TRHDE: variants seen among roughly 807,000 people sequenced by gnomAD.
TRHDE encodes thyrotropin-releasing hormone-degrading ectoenzyme.
A neutral mutation model predicts 125.7 loss-of-function variants in TRHDE; 72 were observed. The ratio of observed to expected loss-of-function variants is 0.57; its 90% CI spans 0.47 to 0.70. TRHDE has a LOEUF of 0.70. Ranked by LOEUF, TRHDE falls within the 30% of genes least tolerant of loss-of-function variation. The probability of loss-of-function intolerance (pLI) is 0.00; values close to 1 mark genes in which losing one functional copy is unlikely to be tolerated. For synonymous variants in TRHDE, 509 were observed against 509.1 expected, an observed-to-expected ratio of 1.00 and a Z score of 0.00; for missense variants, 1,110 against 1,327.1, an observed-to-expected ratio of 0.84 and a Z score of 2.54.
In TRHDE at chr12:72,273,581, C is replaced by T. The variant is rs757490088; in HGVS notation, c.914+24C>T. ...AGGTATGGAGGGAGGCGGTGCCCCG[C>T]GCTGCCCCACCCCGGCGCGCGGCTC... is the stretch of plus-strand genomic sequence containing the variant. On this transcript the variant is annotated intron_variant, in intron 1 of 18. Coordinates refer to ENST00000261180, the MANE Select transcript of TRHDE (RefSeq NM_013381.3). This position sits in a 1 kb window ranked among gnomAD's most constrained non-coding sequence, Gnocchi z 5.3. 3 of 1,558,484 alleles carry T rather than the reference C, an allele frequency of 1.9e-6. No individual in the cohort carries two copies. The highest frequency in any genetic ancestry group is 2.6e-6 in the Non-Finnish European group (3 of 1,152,904).
At chr12:72,449,313 G>A (rs1011345970) in intron 3 of TRHDE, among the ~76,000 whole-genome samples, 18 of 152,018 alleles carry the variant, frequency 1.2e-4, no homozygotes, top group Admixed American at 2.6e-4. Flanking sequence ...CTACAATGCC[G>A]TGACAGGGGA....
chr12:72,487,811 T>G (rs1877481961), intron 5 of TRHDE, among the ~76,000 whole-genome samples: 1 of 152,030 alleles, frequency 6.6e-6, no homozygotes. Context: ...TCAAAAATAA[T>G]TAAAGCTACA....
At chr12:72,418,888 AAAG>A (rs1168605983) in intron 3 of TRHDE, among the ~76,000 whole-genome samples, 2 of 152,274 alleles carry the variant, frequency 1.3e-5, no homozygotes, top group African/African-American at 2.4e-5. Context: ...TTTTGATGCT[AAAG>A]AAGAAGAGAA....
At chr12:72,566,513 T>G (rs1870454300) in intron 9 of TRHDE, among the ~76,000 whole-genome samples, 1 of 151,884 alleles carries the variant, frequency 6.6e-6, no homozygotes, top group Non-Finnish European at 1.5e-5. Flanking sequence ...TGTGAATCGT[T>G]TTCTTGTATT....
chr12:72,370,949 G>A (rs1261741755), intron 2 of TRHDE, among the ~76,000 whole-genome samples: 2 of 152,018 alleles, frequency 1.3e-5, no homozygotes, highest in African/African-American at 4.8e-5. Flanking sequence ...CGCCATGTTG[G>A]CCATGCGGGT....
chr12:72,337,229 T>C (rs1405426965), intron 2 of TRHDE, among the ~76,000 whole-genome samples: 1 of 152,198 alleles, frequency 6.6e-6, no homozygotes, highest in Non-Finnish European at 1.5e-5. Flanking sequence ...GAGTGTCAGC[T>C]GACAGAGGTC....
chr12:72,327,052 A>T (rs1869373278), intron 2 of TRHDE, among the ~76,000 whole-genome samples: 1 of 151,770 alleles, frequency 6.6e-6, no homozygotes, highest in Admixed American at 6.6e-5. Context: ...AAGATATAAG[A>T]TCTATTATCA....
intron 2 of TRHDE, among the ~76,000 whole-genome samples, chr12:72,216,968 GTT>G (rs35842638): frequency 3.6e-4 from 54 of 148,476 alleles, no homozygotes; most frequent in African/African-American, 5.7e-4. Flanking sequence ...GGTAATGCTA[GTT>G]TTTTTTTTTT....
At chr12:72,352,072 T>C (rs1167871480) in intron 2 of TRHDE, among the ~76,000 whole-genome samples, 1 of 151,916 alleles carries the variant, frequency 6.6e-6, no homozygotes, top group African/African-American at 2.4e-5. Context: ...TTCACCTTTG[T>C]GCAATTTTTA....
At chr12:72,267,942 C>G (rs141910939), upstream of TRHDE, among the ~76,000 whole-genome samples, 4 of 144,094 alleles carry the variant, frequency 2.8e-5, no homozygotes, top group East Asian at 7.8e-4. Context: ...AAGGGTAGTT[C>G]TTATATGAAA....
intron 2 of TRHDE, chr12:72,253,909 A>T (rs1878745555): frequency 6.6e-6 from 1 of 152,128 alleles, no homozygotes; most frequent in Non-Finnish European, 1.5e-5. Context: ...GTCAGTCATG[A>T]AGTATTATAA....
In TRHDE at chr12:72,310,287, G is replaced by C. The variant is rs113977138; in HGVS notation, c.1188+23333G>C. 3.0e-3 allele frequency among the ~76,000 whole-genome samples: 458 copies of C among 152,356 alleles called. 1 individual carries two copies. Among genetic ancestry groups the C allele is most frequent in the Non-Finnish European group, 5.3e-3 (358 of 68,030 alleles). ...TGCCTTAATATGTGCCAATAGCTAA[G>C]TCTAGCTTGTATTATTATAAGTCGG... On this transcript the variant is annotated intron_variant, in intron 2 of 18. Transcript: ENST00000261180.
chr12:72,559,763 T>A (rs1327867050), intron 7 of TRHDE, among the ~76,000 whole-genome samples: 3 of 152,196 alleles, frequency 2.0e-5, no homozygotes, highest in Non-Finnish European at 4.4e-5. Context: ...TCATATTCAC[T>A]GACTTAGAGG....
chr12:72,272,625 A>G lies in TRHDE; in HGVS notation c.-19A>G. The G allele has an allele frequency of 1.1e-5, 9 of 835,802 alleles. No individual in the cohort carries two copies. The highest frequency in any genetic ancestry group is 3.2e-5 in the Admixed American group (1 of 30,994). 51.8% of individuals were successfully genotyped at this position (835,802 alleles called of 1,614,324 possible). Reference sequence around the variant, plus strand: ...CGGGGGGTGCCAGAGGGGGCGGGGGAGGAGGAGGAGGCGGTGTGATGGCCC... The same window carrying G: ...CGGGGGGTGCCAGAGGGGGCGGGGGGGGAGGAGGAGGCGGTGTGATGGCCC... On this transcript the variant is annotated 5_prime_UTR_variant, in exon 1 of 19. Transcript: ENST00000261180. The surrounding 1 kb of genome is among the most constrained non-coding windows in gnomAD (Gnocchi z 6.7).
intron 3 of TRHDE, among the ~76,000 whole-genome samples, chr12:72,432,600 C>T (rs1874543451): frequency 6.6e-6 from 1 of 152,124 alleles, no homozygotes; most frequent in Admixed American, 6.6e-5. Context: ...TTTCCCACCA[C>T]TCTGACCCAT....
At chr12:72,523,193 T>C (rs1351524055) in intron 6 of TRHDE, among the ~76,000 whole-genome samples, 1 of 152,116 alleles carries the variant, frequency 6.6e-6, no homozygotes, top group Non-Finnish European at 1.5e-5. Flanking sequence ...AACTTGCTTT[T>C]TTTTTCTTTC....
intron 12 of TRHDE, among the ~76,000 whole-genome samples, chr12:72,579,229 C>T (rs1002449354): frequency 4.0e-5 from 6 of 151,832 alleles, no homozygotes; most frequent in Non-Finnish European, 7.4e-5. Context: ...TTTAACCCTC[C>T]ATCAACCATG....
chr12:72,575,487 G>A lies in TRHDE; in HGVS notation c.2266G>A (p.Val756Ile), dbSNP rs1050342784. Residue 756 changes from valine (V) to isoleucine (I), a missense_variant and splice_region_variant, in exon 12 of 19, where the codon GTT becomes ATT. By Grantham distance (29) the Val-to-Ile change is conservative (BLOSUM62 3). This residue lies in a region of TRHDE where 527 missense variants were observed against 651.8 expected (regional missense o/e 0.81). Coordinates refer to ENST00000261180, the MANE Select transcript of TRHDE (RefSeq NM_013381.3). ...LIDQLIRNHEVLSVSNRAGLI... is the reference protein window; with the variant it reads ...LIDQLIRNHEILSVSNRAGLI... Reference sequence around the variant, plus strand: ...TATTATTTTTTCTAATTGGCCTCAGGTTCTTTCTGTCAGTAACCGAGCGGG... The same window carrying A: ...TATTATTTTTTCTAATTGGCCTCAGATTCTTTCTGTCAGTAACCGAGCGGG... The A allele has an allele frequency of 1.2e-6, 2 of 1,613,390 alleles. No homozygotes were observed. The highest frequency in any genetic ancestry group is 1.7e-6 in the Non-Finnish European group (2 of 1,179,706).
At chr12:72,325,192 G>A (rs945527140) in intron 2 of TRHDE, among the ~76,000 whole-genome samples, 2 of 151,616 alleles carry the variant, frequency 1.3e-5, no homozygotes, top group African/African-American at 4.8e-5. Flanking sequence ...CTTATTTTGT[G>A]TTATGTAGAC....
Sources: allele counts gnomAD v4.1 joint callset (sites outside exome capture counted in the v4.1 genomes callset), GRCh38; gene constraint gnomAD v4.1.1; regional missense constraint gnomAD v4.1.1; non-coding constraint Gnocchi (gnomAD v3.1); transcripts MANE v1.5; gene names NCBI Gene and HGNC (gene_info 2026-07-23, HGNC 2026-07-21).